Variants in TENM2 observed in about 807,000 individuals in gnomAD.
TENM2 encodes the protein teneurin-2.
Under a neutral mutation model 245.2 loss-of-function variants are expected in TENM2, and 52 were observed. The observed-to-expected ratio is 0.21, with a 90% CI of 0.17 to 0.27. The LOEUF (loss-of-function observed/expected upper bound fraction) is 0.27. Ranked by LOEUF, TENM2 falls within the 10% of genes least tolerant of loss-of-function variation. TENM2 has a pLI of 1.00. For missense variants in TENM2, 3,046 were observed against 3,666.8 expected (o/e 0.83, Z 4.37); for synonymous variants, 1,363 against 1,438.9 (o/e 0.95, Z 1.19).
chr5:168,205,224 C>T (rs1363843724), intron 19 of TENM2, among the ~76,000 whole-genome samples: 1 of 150,484 alleles, frequency 6.6e-6, no homozygotes, highest in African/African-American at 2.5e-5. Flanking sequence ...GATCTGTAAT[C>T]AAAGAGAGAA....
chr5:167,097,673 G>T, the TENM2 span, among the ~76,000 whole-genome samples: 1 of 152,168 alleles, frequency 6.6e-6, no homozygotes, highest in Admixed American at 6.5e-5. Context: ...GATGTCAAAG[G>T]TTTATATATG....
chr5:168,190,858 A>G (rs1184296434), intron 14 of TENM2: 1 of 206,414 alleles, frequency 4.8e-6, no homozygotes, highest in African/African-American at 2.3e-5. Context: ...CATTATATTA[A>G]ATCTCCCTTT....
At chr5:167,416,376 C>T (rs540989416) in intron 2 of TENM2, among the ~76,000 whole-genome samples, 1 of 152,284 alleles carries the variant, frequency 6.6e-6, no homozygotes, top group Non-Finnish European at 1.5e-5. Flanking sequence ...CCATGTACTG[C>T]ATTTACAGCA....
At chr5:167,170,326 T>G in the TENM2 span, among the ~76,000 whole-genome samples, 1 of 152,206 alleles carries the variant, frequency 6.6e-6, no homozygotes, top group African/African-American at 2.4e-5. Flanking sequence ...TGTTTGAATC[T>G]CAGATACAGC....
chr5:168,152,247 A>G (rs1323816683), intron 12 of TENM2, among the ~76,000 whole-genome samples: 1 of 152,230 alleles, frequency 6.6e-6, no homozygotes, highest in Non-Finnish European at 1.5e-5. Flanking sequence ...TGGCTATTCT[A>G]TAAAAAGCTT....
rs193169093 is a variant in TENM2 at position 167,592,838 on chromosome 5, T to G, written c.502+217365T>G. Among the ~76,000 whole-genome samples the G allele has an allele frequency of 3.9e-5, 6 of 152,004 alleles. No individual in the cohort carries two copies. In the East Asian group the frequency reaches 1.2e-3, roughly 29 times the overall value. On this transcript the variant is annotated intron_variant, in intron 2 of 28. Coordinates refer to ENST00000518659, the Ensembl canonical transcript of TENM2. Reference sequence around the variant, plus strand: ...AGAAAAACATACATTTGATTTTTTGTTTTTTTTCTGTTATACACATCATAT... The same window carrying G: ...AGAAAAACATACATTTGATTTTTTGGTTTTTTTCTGTTATACACATCATAT...
chr5:167,916,808 CA>C (rs1476425876), intron 3 of TENM2, among the ~76,000 whole-genome samples: 6 of 152,240 alleles, frequency 3.9e-5, no homozygotes, highest in Non-Finnish European at 7.3e-5. Context: ...CTTGCCTTGG[CA>C]GCTCAGTTCC....
chr5:167,356,828 A>G (rs2127250831), intron 1 of TENM2, among the ~76,000 whole-genome samples: 1 of 152,316 alleles, frequency 6.6e-6, no homozygotes, highest in East Asian at 1.9e-4. Context: ...GTCTTCATCA[A>G]CCCCTTTCTC....
rs2150351992 is a variant in TENM2, at chr5:167,671,631, G to A, written c.503-204355G>A. Among the ~76,000 whole-genome samples, 2 of 151,844 alleles carry A rather than the reference G, an allele frequency of 1.3e-5. 1 individual carries two copies. Among genetic ancestry groups the A allele is most frequent in the South Asian group, 4.2e-4 (2 of 4,796 alleles). ...CTATTATGTATGTCTTTATGAATAA[G>A]TGTGTGTCTATTATAAATATCCATT... is the stretch of plus-strand genomic sequence containing the variant. On this transcript the variant is annotated intron_variant, in intron 2 of 28. Coordinates refer to ENST00000518659, the Ensembl canonical transcript of TENM2.
At chr5:168,219,659 T>G (rs547876356) in intron 23 of TENM2, among the ~76,000 whole-genome samples, 2 of 152,138 alleles carry the variant, frequency 1.3e-5, no homozygotes, top group African/African-American at 4.8e-5. Context: ...CTAGGCATGA[T>G]TCTCCCAGTG....
At chr5:167,241,056 T>C in the TENM2 span, among the ~76,000 whole-genome samples, 1 of 151,738 alleles carries the variant, frequency 6.6e-6, no homozygotes, top group Admixed American at 6.5e-5. Flanking sequence ...GTAAATCCAA[T>C]TCCAAATTGC....
intron 2 of TENM2, among the ~76,000 whole-genome samples, chr5:167,539,504 A>T (rs886092344): frequency 1.3e-5 from 2 of 152,164 alleles, no homozygotes; most frequent in Non-Finnish European, 2.9e-5. Flanking sequence ...AATATTTTCC[A>T]TTCTGTTAAG....
At chr5:167,817,732 T>C (rs1767175844) in intron 2 of TENM2, among the ~76,000 whole-genome samples, 1 of 152,176 alleles carries the variant, frequency 6.6e-6, no homozygotes, top group African/African-American at 2.4e-5. Flanking sequence ...CTGAAACCAA[T>C]TTGTCGGATA....
At chr5:167,708,456 A>T (rs187985955) in intron 2 of TENM2, among the ~76,000 whole-genome samples, 1 of 152,274 alleles carries the variant, frequency 6.6e-6, no homozygotes, top group East Asian at 1.9e-4. Flanking sequence ...CTACAATTTC[A>T]TCCTCTCTTG....
chr5:167,643,597 G>C (rs1370881028), intron 2 of TENM2, among the ~76,000 whole-genome samples: 5 of 152,192 alleles, frequency 3.3e-5, no homozygotes, highest in Admixed American at 3.3e-4. Context: ...TCCAGATTCA[G>C]AGTCAAGTTT....
intron 2 of TENM2, among the ~76,000 whole-genome samples, chr5:167,556,276 T>A (rs1773252962): frequency 6.6e-6 from 1 of 152,142 alleles, no homozygotes; most frequent in South Asian, 2.1e-4. Flanking sequence ...AAAGCTCTCA[T>A]TTTTCTGTGT....
the TENM2 span, among the ~76,000 whole-genome samples, chr5:167,279,345 T>G: frequency 6.6e-6 from 1 of 152,188 alleles, no homozygotes; most frequent in East Asian, 1.9e-4. Flanking sequence ...TCAGCACTTT[T>G]CCAGCCCCTC....
At chr5:167,716,194 C>T (rs915116044) in intron 2 of TENM2, among the ~76,000 whole-genome samples, 6 of 152,118 alleles carry the variant, frequency 3.9e-5, no homozygotes, top group East Asian at 1.9e-4. Context: ...ACTCCTGTCA[C>T]GAAGGCTTGA....
intron 2 of TENM2, among the ~76,000 whole-genome samples, chr5:167,865,474 A>G (rs1468487286): frequency 1.3e-5 from 2 of 151,956 alleles, no homozygotes; most frequent in Admixed American, 6.6e-5. Context: ...GGATTTTGCC[A>G]TGTTGCCCAG....
Sources: allele counts gnomAD v4.1 joint callset (sites outside exome capture counted in the v4.1 genomes callset), GRCh38; gene constraint gnomAD v4.1.1; transcripts MANE v1.5; gene names NCBI Gene and HGNC (gene_info 2026-07-23, HGNC 2026-07-21).